Variants in SRSF7 observed in about 807,000 individuals in gnomAD.
The protein encoded by SRSF7 is serine/arginine-rich splicing factor 7.
In SRSF7, 15 loss-of-function variants were observed where a neutral mutation model predicts 42.2. The observed-to-expected ratio is 0.36, with a 90% CI of 0.24 to 0.55. The LOEUF (loss-of-function observed/expected upper bound fraction) is 0.55, where lower values mean the gene tolerates loss of function less well. SRSF7 is among the 20% of genes least tolerant of loss of function. The probability of loss-of-function intolerance (pLI) is 0.88; values close to 1 mark genes in which losing one functional copy is unlikely to be tolerated. For missense variants in SRSF7, 181 were observed against 305.9 expected (o/e 0.59, Z 3.04); for synonymous variants, 138 against 107.9 (o/e 1.28, Z -1.73).
At chr2:38,751,372 C>G (rs187917886), upstream of SRSF7, 430 of 1,444,148 alleles carry the variant, frequency 3.0e-4, no homozygotes, top group Non-Finnish European at 3.8e-4. Context: ...GAGGAAGAGC[C>G]CGGGTTCGCG....
At chr2:38,746,070 A>C (rs904595091) in intron 7 of SRSF7, 74 bp downstream of exon 7, 2 of 1,489,260 alleles carry the variant, frequency 1.3e-6, no homozygotes, top group Admixed American at 3.4e-5. Context: ...CAAAGACTGC[A>C]AAGCAGTAAG....
chr2:38,750,478 C>G (rs1175148265), intron 1 of SRSF7, among the ~76,000 whole-genome samples: 1 of 151,690 alleles, frequency 6.6e-6, no homozygotes, highest in Non-Finnish European at 1.5e-5. Context: ...GGAACCTGGC[C>G]CGGCCCCACC....
In SRSF7 at chr2:38,746,037, T is replaced by C. The variant is rs913198141; in HGVS notation, c.662+107A>G. 20 of 1,125,552 alleles carry C rather than the reference T, an allele frequency of 1.8e-5. No individual in the cohort carries two copies. The African/African-American group carries it at 1.9e-4, about 11-fold the overall frequency. 69.7% of individuals were successfully genotyped at this position (1,125,552 alleles called of 1,614,324 possible). On this transcript the variant is annotated intron_variant, in intron 7 of 7. Transcript: ENST00000313117. ...ACTTAGCATAGTATTTTAATCTATA[T>C]AGCACCAATTCTCCAAAGAGCTCAA...
chr2:38,751,370 G>C (rs139175096), upstream of SRSF7: 338 of 1,440,134 alleles, frequency 2.3e-4, no homozygotes, highest in Middle Eastern at 7.0e-4. Context: ...ACGAGGAAGA[G>C]CCCGGGTTCG....
At chr2:38,751,081 C>G (rs1668276459) in intron 1 of SRSF7, 148 bp downstream of exon 1, 2 of 1,034,482 alleles carry the variant, frequency 1.9e-6, no homozygotes, top group Non-Finnish European at 1.5e-6. Context: ...AGCACCCCGC[C>G]TCCGCTGCCT....
chr2:38,751,139 A>T (rs551860001), intron 1 of SRSF7, 90 bp downstream of exon 1: 1 of 1,557,288 alleles, frequency 6.4e-7, no homozygotes, highest in Admixed American at 1.7e-5. Flanking sequence ...CACGCGGAAT[A>T]ACCGTCTCCC....
intron 4 of SRSF7, among the ~76,000 whole-genome samples, chr2:38,748,370 G>A (rs992373186): frequency 2.0e-5 from 3 of 152,084 alleles, no homozygotes; most frequent in African/African-American, 7.2e-5. Flanking sequence ...AGTGCCTACA[G>A]TCCCAGCTAC....
chr2:38,748,946 T>A, intron 3 of SRSF7: 1 of 1,319,542 alleles, frequency 7.6e-7, no homozygotes, highest in Non-Finnish European at 9.8e-7. Context: ...CTAGTAGATC[T>A]AGACGATCTA....
chr2:38,750,859 A>C (rs2148497760), intron 1 of SRSF7: 1 of 286,054 alleles, frequency 3.5e-6, no homozygotes, highest in Non-Finnish European at 7.0e-6. Context: ...AGTGGCGGGA[A>C]AGCGCTGAGG....
intron 5 of SRSF7, 148 bp from the exon 6 acceptor site, chr2:38,746,895 C>A (rs1667504321): frequency 7.5e-7 from 1 of 1,341,126 alleles, no homozygotes; most frequent in South Asian, 1.4e-5. Flanking sequence ...AACACACTGT[C>A]AAACAAAGTG....
chr2:38,746,022 G>C (rs572140312), intron 7 of SRSF7, 122 bp downstream of exon 7: 2 of 890,972 alleles, frequency 2.2e-6, no homozygotes, highest in Non-Finnish European at 3.5e-6. Context: ...ACTTAGCATA[G>C]TATTTTAATC....
chr2:38,747,162 AACTGAG>A (rs1480598963), intron 5 of SRSF7: 2 of 463,316 alleles, frequency 4.3e-6, no homozygotes, highest in Non-Finnish European at 8.9e-6. Context: ...CAGACCCCTG[AACTGAG>A]ACTAATTCAG....
chr2:38,748,312 A>G (rs563514142), intron 4 of SRSF7, among the ~76,000 whole-genome samples, 155 bp from the exon 5 acceptor site: 3 of 152,206 alleles, frequency 2.0e-5, no homozygotes, highest in African/African-American at 7.2e-5. Flanking sequence ...CCTGGGAAAC[A>G]GTGCAAGACC....
intron 1 of SRSF7, chr2:38,750,761 G>A (rs1362815307): frequency 1.8e-5 from 3 of 164,418 alleles, no homozygotes. Context: ...CCGATTGTTT[G>A]ACGAGAACAT....
At chr2:38,746,962 AG>A in intron 5 of SRSF7, 1 of 754,494 alleles carries the variant, frequency 1.3e-6, no homozygotes, top group East Asian at 2.9e-5. Context: ...TCAATTGGTT[AG>A]TTTCTGTACA....
At chr2:38,746,646 A>G in intron 6 of SRSF7, 48 bp downstream of exon 6, 5 of 1,605,324 alleles carry the variant, frequency 3.1e-6, no homozygotes, top group Non-Finnish European at 4.2e-6. Flanking sequence ...AACTCTTTGG[A>G]TATTGGTGCC....
intron 1 of SRSF7, chr2:38,750,907 C>T: frequency 2.7e-6 from 1 of 376,644 alleles, no homozygotes; most frequent in Non-Finnish European, 5.1e-6. Context: ...CGCAAAATGG[C>T]AGCCGCCGCC....
At position 38,749,124 on chromosome 2, in the gene SRSF7, T is replaced by C; in HGVS notation, c.386+405A>G. The stretch of plus-strand genomic sequence containing the variant: ...TTTCTAAACCGGAGGGGGGCCCCAA[T>C]TGTAAGCCAAATTTACTGTTACGGC... On this transcript the variant is annotated intron_variant, in intron 3 of 7. Coordinates refer to ENST00000313117, the MANE Select transcript of SRSF7 (RefSeq NM_001031684.3). 2,189 of 1,316,574 alleles carry C rather than the reference T, an allele frequency of 1.7e-3. 1 individual carries two copies. Among genetic ancestry groups the C allele is most frequent in the Non-Finnish European group, 2.1e-3 (2,099 of 997,578 alleles). 81.6% of individuals were successfully genotyped at this position (1,316,574 alleles called of 1,614,324 possible).
chr2:38,745,872 C>A (rs1043574989), intron 7 of SRSF7, among the ~76,000 whole-genome samples: 1 of 152,068 alleles, frequency 6.6e-6, no homozygotes, highest in Non-Finnish European at 1.5e-5. Context: ...GGGGAAAAGG[C>A]ATCTATCTTA....
Sources: gnomAD v4.1 joint callset for allele counts (sites outside exome capture counted in the v4.1 genomes callset) on GRCh38, gnomAD v4.1.1 for gene constraint, MANE v1.5 for transcripts, NCBI Gene and HGNC (gene_info 2026-07-23, HGNC 2026-07-21) for gene names.